BIVM: variants seen among roughly 807,000 people sequenced by gnomAD.
The protein encoded by BIVM is basic immunoglobulin-like variable motif-containing protein.
Under a neutral mutation model 61.4 loss-of-function variants are expected in BIVM, and 31 were observed. The observed-to-expected ratio is 0.51, with a 90% CI of 0.38 to 0.68. BIVM has a LOEUF of 0.68. Ranked by LOEUF, BIVM falls within the 30% of genes least tolerant of loss-of-function variation. The probability of loss-of-function intolerance (pLI) is 0.00; values close to 1 mark genes in which losing one functional copy is unlikely to be tolerated. For synonymous variants in BIVM, 189 were observed against 210.7 expected (o/e 0.90, Z 0.89); for missense variants, 526 against 596.0 (o/e 0.88, Z 1.22).
intron 7 of BIVM, among the ~76,000 whole-genome samples, chr13:102,829,725 A>G (rs9554900): frequency 0.61 from 92,156 of 151,642 alleles, 28,783 homozygotes; most frequent in Middle Eastern, 0.7. Context: ...TGGAATCCCA[A>G]TTACTTGGGA....
chr13:102,809,930 C>T (rs892651906), intron 3 of BIVM, among the ~76,000 whole-genome samples: 2 of 152,042 alleles, frequency 1.3e-5, no homozygotes, highest in African/African-American at 2.4e-5. Context: ...GGACTACAGG[C>T]GCCTGTCACC....
intron 7 of BIVM, among the ~76,000 whole-genome samples, chr13:102,822,391 G>T (rs1880352305): frequency 6.6e-6 from 1 of 152,120 alleles, no homozygotes; most frequent in African/African-American, 2.4e-5. Context: ...GAACTTTAAG[G>T]TATATCACAA....
intron 7 of BIVM, among the ~76,000 whole-genome samples, chr13:102,824,940 T>TA (rs1177205672): frequency 1.0e-5 from 1 of 99,204 alleles, no homozygotes; most frequent in East Asian, 4.8e-4. Context: ...TTAATTTAAT[T>TA]AATTAATTAA....
intron 4 of BIVM, chr13:102,820,351 CAAAAAA>C (rs6145205): frequency 0.4 from 33,577 of 83,780 alleles, 3,969 homozygotes; most frequent in East Asian, 0.55. Context: ...GACTCTGTCT[CAAAAAA>C]AAAAAAAAAA....
intron 7 of BIVM, among the ~76,000 whole-genome samples, chr13:102,828,008 G>A (rs1209644035): frequency 6.6e-6 from 1 of 152,134 alleles, no homozygotes; most frequent in African/African-American, 2.4e-5. Context: ...TGCTTAAATT[G>A]TTTTTTAAGG....
chr13:102,800,277 G>A (rs1878659714), intron 1 of BIVM: 1 of 152,328 alleles, frequency 6.6e-6, no homozygotes, highest in African/African-American at 2.4e-5. Flanking sequence ...GCGTCCCCGG[G>A]GCCCGGGGCA....
chr13:102,833,485 A>G (rs1881263125), intron 8 of BIVM, among the ~76,000 whole-genome samples: 1 of 151,630 alleles, frequency 6.6e-6, no homozygotes, highest in Non-Finnish European at 1.5e-5. Flanking sequence ...ACACCACCAT[A>G]CTTGGCTAAT....
At chr13:102,827,028 G>C (rs765147573) in intron 7 of BIVM, among the ~76,000 whole-genome samples, 9 of 152,108 alleles carry the variant, frequency 5.9e-5, no homozygotes, top group Non-Finnish European at 8.8e-5. Context: ...GTTGACTTAG[G>C]AATCACTATT....
chr13:102,834,746 C>T (rs1384449042), intron 9 of BIVM, among the ~76,000 whole-genome samples, 194 bp downstream of exon 9: 1 of 152,174 alleles, frequency 6.6e-6, no homozygotes, highest in Admixed American at 6.5e-5. Context: ...CCATAGAAAG[C>T]CCCTCTTCTG....
chr13:102,809,293 G>A (rs1474357394), intron 3 of BIVM, among the ~76,000 whole-genome samples: 2 of 152,168 alleles, frequency 1.3e-5, no homozygotes, highest in Admixed American at 1.3e-4. Context: ...GATGTATGCT[G>A]TTTAATTTCT....
chr13:102,832,430 G>A (rs1397759542), intron 8 of BIVM, among the ~76,000 whole-genome samples: 2 of 152,152 alleles, frequency 1.3e-5, no homozygotes. Flanking sequence ...TCAAACTCCT[G>A]GCCTCAAGTG....
intron 7 of BIVM, among the ~76,000 whole-genome samples, chr13:102,828,033 T>A (rs1443176966): frequency 6.6e-6 from 1 of 152,220 alleles, no homozygotes; most frequent in African/African-American, 2.4e-5. Context: ...CTAAGCCTGT[T>A]TTTCACAATG....
chr13:102,817,947 T>C (rs983598507), intron 4 of BIVM, among the ~76,000 whole-genome samples: 17 of 152,332 alleles, frequency 1.1e-4, no homozygotes, highest in African/African-American at 3.8e-4. Context: ...CACAACATTG[T>C]CTTTGTTTTC....
intron 3 of BIVM, among the ~76,000 whole-genome samples, chr13:102,812,695 C>G (rs1417677448): frequency 6.6e-6 from 1 of 152,074 alleles, no homozygotes; most frequent in Non-Finnish European, 1.5e-5. Flanking sequence ...TTTGAAATGT[C>G]TGGCTCCCCA....
chr13:102,832,109 T>C (rs1881134104), intron 8 of BIVM, among the ~76,000 whole-genome samples: 2 of 152,250 alleles, frequency 1.3e-5, no homozygotes, highest in Admixed American at 6.5e-5. Context: ...TTCTGCAGAA[T>C]TGCATTTAGT....
intron 7 of BIVM, among the ~76,000 whole-genome samples, chr13:102,825,795 C>T (rs550365554): frequency 3.3e-5 from 5 of 152,238 alleles, no homozygotes; most frequent in East Asian, 1.9e-4. Context: ...GGTGGTGTCC[C>T]GTGAAAACCT....
intron 3 of BIVM, among the ~76,000 whole-genome samples, chr13:102,814,497 G>C (rs891162364): frequency 6.6e-6 from 1 of 152,152 alleles, no homozygotes; most frequent in African/African-American, 2.4e-5. Flanking sequence ...AGCCTATCAA[G>C]GTCACACATT....
intron 8 of BIVM, among the ~76,000 whole-genome samples, 176 bp downstream of exon 8, chr13:102,831,873 C>CAAAAAA (rs67223159): frequency 3.9e-3 from 414 of 105,304 alleles, no homozygotes; most frequent in Non-Finnish European, 4.9e-3. Flanking sequence ...ACTAAAAATA[C>CAAAAAA]AAAAAAAAAA....
In BIVM at chr13:102,818,449, G is replaced by A. The variant is rs116111267; in HGVS notation, c.605+1895G>A. On this transcript the variant is annotated intron_variant, in intron 4 of 10. Transcript: ENST00000257336. ...AAGATAAATTTGGAATAGTTAGTAT[G>A]TAGGGAATAATGGAGAAGAGACATT... is the stretch of plus-strand genomic sequence containing the variant. Among the ~76,000 whole-genome samples the A allele has an allele frequency of 5.1e-3, 781 of 152,310 alleles. 6 individuals carry two copies. The highest frequency in any genetic ancestry group is 0.018 in the African/African-American group (731 of 41,558).
Sources: gnomAD v4.1 joint callset for allele counts (sites outside exome capture counted in the v4.1 genomes callset) on GRCh38, gnomAD v4.1.1 for gene constraint, MANE v1.5 for transcripts, NCBI Gene and HGNC (gene_info 2026-07-23, HGNC 2026-07-21) for gene names.